The following CRB1 variants were observed in gnomAD, a reference collection of about 807,000 sequenced individuals.
The protein encoded by CRB1 is crumbs cell polarity complex component 1.
CRB1 carries 83 observed loss-of-function variants against 120.0 expected under a neutral mutation model. The ratio of observed to expected loss-of-function variants is 0.69; its 90% CI spans 0.58 to 0.83. The LOEUF is 0.83. CRB1 is among the 40% of genes least tolerant of loss of function. CRB1 has a pLI of 0.00. For missense variants in CRB1, 1,699 were observed against 1,687.6 expected (o/e 1.01, Z -0.12); for synonymous variants, 625 against 612.5 (o/e 1.02, Z -0.30).
At chr1:197,376,477 G>A (rs1661652156) in intron 5 of CRB1, among the ~76,000 whole-genome samples, 1 of 152,168 alleles carries the variant, frequency 6.6e-6, no homozygotes, top group Non-Finnish European at 1.5e-5. Context: ...ATCTCAGTAA[G>A]TGGTAACAGC....
At chr1:197,220,179 T>C in the CRB1 span, among the ~76,000 whole-genome samples, 13 of 151,496 alleles carry the variant, frequency 8.6e-5, no homozygotes, top group African/African-American at 3.2e-4. Context: ...CTAAAATTGA[T>C]TGCAAAAAAG....
intron 6 of CRB1, among the ~76,000 whole-genome samples, chr1:197,423,703 C>A (rs1344799730): frequency 6.6e-6 from 1 of 152,162 alleles, no homozygotes; most frequent in African/African-American, 2.4e-5. Context: ...AGGCAAACTT[C>A]AGCCCATTCA....
Position 197,435,288 on chromosome 1 carries a change from T to C in CRB1, c.3425T>C (p.Val1142Ala). 1 of 1,613,856 alleles carries C rather than the reference T, an allele frequency of 6.2e-7. No homozygotes were observed. The highest frequency in any genetic ancestry group is 8.5e-7 in the Non-Finnish European group (1 of 1,179,824). Reference sequence around the variant, plus strand: ...GTCACTGGCTGTTTGCAGTTAAATGTCTGCAACTCCAACCCCTGTTTGCAT... The same window carrying C: ...GTCACTGGCTGTTTGCAGTTAAATGCCTGCAACTCCAACCCCTGTTTGCAT... ...SVVTGCLQLN[V>A]CNSNPCLHGG... The change falls in exon 9 of 12, where the codon GTC becomes GCC. Residue 1142 changes from valine (V) to alanine (A), a missense_variant. Val to Ala is a moderately conservative substitution (Grantham distance 64). Transcript: ENST00000367400.
At chr1:197,252,440 C>CA in the CRB1 span, among the ~76,000 whole-genome samples, 1 of 147,748 alleles carries the variant, frequency 6.8e-6, no homozygotes, top group Admixed American at 6.8e-5. Flanking sequence ...TTTTATCCCT[C>CA]ATACTAAGCT....
Position 197,434,835 on chromosome 1 carries a change from A to G in CRB1, c.2972A>G (p.His991Arg). 1 of 1,613,886 alleles carries G rather than the reference A, an allele frequency of 6.2e-7. No homozygotes were observed. Among genetic ancestry groups the G allele is most frequent in the Non-Finnish European group, 8.5e-7 (1 of 1,179,812 alleles). Residue 991 changes from histidine to arginine, a missense_variant, in exon 9 of 12, where the codon CAT (histidine) becomes CGT (arginine). Physicochemically the swap from His to Arg is conservative, Grantham distance 29 (BLOSUM62 0). Coordinates refer to ENST00000367400, the MANE Select transcript of CRB1 (RefSeq NM_201253.3). ...RTRDANVIIL[H>R]AEKEPEFLNI... ...AGGGATGCAAATGTAATAATATTGC[A>G]TGCAGAAAAAGAGCCTGAATTTCTT...
At chr1:197,454,325 A>G (rs1483124846) in intron 11 of CRB1, among the ~76,000 whole-genome samples, 1 of 152,150 alleles carries the variant, frequency 6.6e-6, no homozygotes, top group East Asian at 1.9e-4. Flanking sequence ...AAAAATAAAT[A>G]AAATAAGAAA....
intron 5 of CRB1, among the ~76,000 whole-genome samples, chr1:197,374,323 G>A (rs1661531071): frequency 6.6e-6 from 1 of 152,104 alleles, no homozygotes; most frequent in Admixed American, 6.5e-5. Flanking sequence ...CTATGGGAGT[G>A]GACGTGGGAA....
chr1:197,311,563 G>A (rs919390264), intron 1 of CRB1, among the ~76,000 whole-genome samples: 15 of 151,670 alleles, frequency 9.9e-5, no homozygotes, highest in South Asian at 8.4e-4. Context: ...ATTTTTTTCC[G>A]GATTTATTGA....
chr1:197,204,487 T>C, the CRB1 span, among the ~76,000 whole-genome samples: 1 of 152,216 alleles, frequency 6.6e-6, no homozygotes, highest in South Asian at 2.1e-4. Flanking sequence ...AGGATTAAGG[T>C]GGTATCACAT....
At chr1:197,369,093 A>G (rs1009924283) in intron 5 of CRB1, among the ~76,000 whole-genome samples, 5 of 152,168 alleles carry the variant, frequency 3.3e-5, no homozygotes, top group Admixed American at 1.3e-4. Flanking sequence ...GCGAGCTCTC[A>G]TATGACGTGG....
intron 1 of CRB1, among the ~76,000 whole-genome samples, chr1:197,314,039 G>T (rs1382345443): frequency 6.6e-6 from 1 of 152,168 alleles, no homozygotes. Flanking sequence ...ACTAAGATTT[G>T]CTAAGGTTCT....
At chr1:197,244,754 T>C in the CRB1 span, among the ~76,000 whole-genome samples, 1 of 151,884 alleles carries the variant, frequency 6.6e-6, no homozygotes, top group Admixed American at 6.6e-5. Flanking sequence ...TTTTTTTTTC[T>C]TTTTTGGTCT....
At chr1:197,400,107 T>G (rs1166741099) in intron 5 of CRB1, among the ~76,000 whole-genome samples, 1 of 152,076 alleles carries the variant, frequency 6.6e-6, no homozygotes, top group South Asian at 2.1e-4. Context: ...GAGGACCAAG[T>G]CAATAAAACC....
At chr1:197,221,636 GA>G in the CRB1 span, among the ~76,000 whole-genome samples, 1 of 152,098 alleles carries the variant, frequency 6.6e-6, no homozygotes, top group South Asian at 2.1e-4. Flanking sequence ...GTAGCTGTGG[GA>G]TATGCCTTCA....
intron 11 of CRB1, among the ~76,000 whole-genome samples, chr1:197,462,489 T>C (rs892196908): frequency 1.6e-4 from 24 of 152,086 alleles, no homozygotes; most frequent in African/African-American, 5.8e-4. Context: ...CTCTTGGCAA[T>C]GGGTGACATG....
At chr1:197,473,713 C>A (rs1379024261) in intron 11 of CRB1, among the ~76,000 whole-genome samples, 1 of 151,944 alleles carries the variant, frequency 6.6e-6, no homozygotes, top group Non-Finnish European at 1.5e-5. Context: ...TAGAGCACAA[C>A]CAATCCAAAT....
At chr1:197,270,948 C>T (rs1186743737) in intron 1 of CRB1, among the ~76,000 whole-genome samples, 1 of 152,130 alleles carries the variant, frequency 6.6e-6, no homozygotes, top group Non-Finnish European at 1.5e-5. Flanking sequence ...AGCCTGTAGT[C>T]CCAGCACTTT....
At chr1:197,411,756 TTTTC>T (rs1471327829) in intron 5 of CRB1, among the ~76,000 whole-genome samples, 16 of 152,342 alleles carry the variant, frequency 1.1e-4, no homozygotes, top group African/African-American at 3.8e-4. Context: ...AAAGTTCTCA[TTTTC>T]TTTCTTCCTT....
At chr1:197,318,047 A>G (rs929239512) in intron 1 of CRB1, among the ~76,000 whole-genome samples, 2 of 152,164 alleles carry the variant, frequency 1.3e-5, no homozygotes, top group African/African-American at 2.4e-5. Flanking sequence ...GGAACAATCA[A>G]TAGAGCAAAG....
Sources: allele counts gnomAD v4.1 joint callset (sites outside exome capture counted in the v4.1 genomes callset), GRCh38; gene constraint gnomAD v4.1.1; transcripts MANE v1.5; gene names NCBI Gene and HGNC (gene_info 2026-07-23, HGNC 2026-07-21).